The following KBTBD2 variants were observed in gnomAD, a reference collection of about 807,000 sequenced individuals.
KBTBD2 encodes kelch repeat and BTB domain containing 2, also known as kelch repeat and BTB domain-containing protein 2.
KBTBD2 carries 17 observed loss-of-function variants against 57.1 expected under a neutral mutation model. The ratio of observed to expected loss-of-function variants is 0.30; its 90% confidence interval spans 0.20 to 0.45. The LOEUF (loss-of-function observed/expected upper bound fraction) is 0.45. Among genes scored for constraint, KBTBD2 ranks in the 20% least tolerant of loss-of-function variants. The pLI, the probability that KBTBD2 is intolerant of heterozygous loss-of-function variation, is 1.00. For synonymous variants in KBTBD2, 267 were observed against 262.7 expected (o/e 1.02, Z -0.16); for missense variants, 515 against 750.6 (o/e 0.69, Z 3.67).
chr7:32,885,908 A>ACTT (rs1463627998), intron 1 of KBTBD2, among the ~76,000 whole-genome samples: 636 of 40,616 alleles, frequency 0.016, 6 homozygotes, highest in African/African-American at 0.054. Context: ...CTGTCTACAC[A>ACTT]CTTTTTTTTT....
intron 3 of KBTBD2, among the ~76,000 whole-genome samples, chr7:32,873,779 T>G (rs1784239781): frequency 6.6e-6 from 1 of 152,080 alleles, no homozygotes; most frequent in South Asian, 2.1e-4. Context: ...TCAGGTATAT[T>G]AGGTAGTAAA....
chr7:32,882,940 G>A (rs1330666260), intron 1 of KBTBD2, among the ~76,000 whole-genome samples: 4 of 152,086 alleles, frequency 2.6e-5, no homozygotes, highest in Non-Finnish European at 4.4e-5. Context: ...AGCCGAGATC[G>A]TGCCACTGCA....
chr7:32,870,888 G>A lies in KBTBD2; in HGVS notation c.337-8C>T, dbSNP rs762236959. On this transcript the variant is annotated splice_region_variant and splice_polypyrimidine_tract_variant and intron_variant, in intron 3 of 3. Coordinates refer to ENST00000304056, the MANE Select transcript of KBTBD2 (RefSeq NM_015483.3). The stretch of plus-strand genomic sequence containing the variant: ...TTGTAACACATCTTCTACCTAGAAT[G>A]AGAAGGAAAAAAAAAACAGGCTGAT... The A allele has an allele frequency of 1.2e-5, 18 of 1,490,420 alleles. No individual in the cohort carries two copies. The Admixed American group carries it at 2.2e-4, about 19-fold the overall frequency. 92.3% of individuals were successfully genotyped at this position (1,490,420 alleles called of 1,614,324 possible). A position where few individuals can be genotyped will look rare whatever the true frequency, so the allele number is the denominator to read the frequency against.
chr7:32,869,696 A>G lies in KBTBD2; in HGVS notation c.1521T>C (p.Asn507=), dbSNP rs34029796. Residue 507 remains asparagine, a synonymous_variant, in exon 4 of 4, where the codon AAT becomes AAC. Transcript: ENST00000304056. The part of the protein sequence containing the change: ...VTVEIYDVNK[N]EWKMAANIPA... ...GGATGTTGGCTGCCATTTTCCACTC[A>G]TTTTTATTCACATCATAAATTTCCA... 9.5e-5 allele frequency: 153 copies of G among 1,614,100 alleles called. 1 individual carries two copies. In the African/African-American group the frequency reaches 1.8e-3, roughly 19 times the overall value.
At chr7:32,875,527 C>T (rs1269580185) in intron 2 of KBTBD2, among the ~76,000 whole-genome samples, 1 of 152,154 alleles carries the variant, frequency 6.6e-6, no homozygotes, top group Non-Finnish European at 1.5e-5. Context: ...CTGCCTCAGC[C>T]TCTGAAAGTG....
chr7:32,875,032 C>T lies in KBTBD2; in HGVS notation c.296G>A (p.Ser99Asn). The change falls in exon 3 of 4, where the codon AGC (serine) becomes AAC (asparagine). Residue 99 changes from serine to asparagine, a missense_variant. Ser to Asn is a conservative substitution (Grantham distance 46). Transcript: ENST00000304056. The stretch of plus-strand genomic sequence containing the variant: ...TGTTTCATAAAGCTGTTCTACAGTG[C>T]TGTCATTCATTGCCAAGTTACCCGT... ...AYTGNLAMNDSTVEQLYETAC... is the reference protein window; with the variant it reads ...AYTGNLAMNDNTVEQLYETAC... The T allele has an allele frequency of 6.2e-7, 1 of 1,614,154 alleles. No homozygotes were observed. Among genetic ancestry groups the T allele is most frequent in the South Asian group, 1.1e-5 (1 of 91,084 alleles).
chr7:32,870,368 G>T lies in KBTBD2; in HGVS notation c.849C>A (p.Tyr283Ter). The change falls in exon 4 of 4, where the codon TAC becomes TAA. Residue 283 changes from tyrosine to a stop codon, truncating the protein, a stop_gained. Coordinates refer to ENST00000304056, the MANE Select transcript of KBTBD2 (RefSeq NM_015483.3). LOFTEE classifies it high-confidence loss of function. Reference sequence around the variant, plus strand: ...CTTGGGGGCTGTAACAGACAGAAGAGTAAAGACTACAAGGATTTTCTGAAG... The same window carrying T: ...CTTGGGGGCTGTAACAGACAGAAGATTAAAGACTACAAGGATTTTCTGAAG... The part of the protein sequence containing the change: ...EASSENPCSL[Y>*]SSVCYSPQAE... 6.2e-7 allele frequency: 1 copy of T among 1,613,336 alleles called. No individual in the cohort carries two copies. Among genetic ancestry groups the T allele is most frequent in the Non-Finnish European group, 8.5e-7 (1 of 1,179,688 alleles).
At chr7:32,885,912 T>TTA (rs1784569513) in intron 1 of KBTBD2, among the ~76,000 whole-genome samples, 1 of 149,894 alleles carries the variant, frequency 6.7e-6, no homozygotes, top group Non-Finnish European at 1.5e-5. Flanking sequence ...CTACACACTT[T>TTA]TTTTTTTTTT....
chr7:32,884,647 A>C (rs749001656), intron 1 of KBTBD2, among the ~76,000 whole-genome samples: 1 of 142,940 alleles, frequency 7.0e-6, no homozygotes, highest in Non-Finnish European at 1.5e-5. Context: ...CCGAGATCGC[A>C]CCACTGCACT....
intron 1 of KBTBD2, among the ~76,000 whole-genome samples, chr7:32,880,388 G>A (rs896340676): frequency 6.6e-6 from 1 of 151,876 alleles, no homozygotes; most frequent in Admixed American, 6.6e-5. Flanking sequence ...TTTTAAACAC[G>A]TTCACAAAGT....
At chr7:32,885,582 T>C (rs2060728) in intron 1 of KBTBD2, among the ~76,000 whole-genome samples, 149,775 of 152,172 alleles carry the variant, frequency 0.98, 73,750 homozygotes, top group East Asian at 1. Context: ...ATCCCTGTTA[T>C]AAGCCACAAT....
At chr7:32,876,753 C>T (rs902069180) in intron 2 of KBTBD2, among the ~76,000 whole-genome samples, 4 of 152,032 alleles carry the variant, frequency 2.6e-5, no homozygotes, top group Admixed American at 1.3e-4. Flanking sequence ...GCCAGGAGCT[C>T]GACACTAGCC....
At chr7:32,873,275 C>T (rs373050150) in intron 3 of KBTBD2, among the ~76,000 whole-genome samples, 1 of 149,964 alleles carries the variant, frequency 6.7e-6, no homozygotes, top group South Asian at 2.1e-4. Context: ...AATACTTCTC[C>T]TTAATTGCTC....
chr7:32,873,090 A>G (rs1014301513), intron 3 of KBTBD2, among the ~76,000 whole-genome samples: 17 of 152,320 alleles, frequency 1.1e-4, no homozygotes, highest in South Asian at 2.1e-4. Flanking sequence ...TTTGATCTAA[A>G]GGTTCTCCCT....
chr7:32,875,798 CCA>C (rs1254058784), intron 2 of KBTBD2, among the ~76,000 whole-genome samples: 1 of 152,070 alleles, frequency 6.6e-6, no homozygotes, highest in Non-Finnish European at 1.5e-5. Context: ...ACACAAAAAA[CCA>C]CATAGTATAT....
At position 32,870,795 on chromosome 7, in the gene KBTBD2, T is replaced by A; in HGVS notation, c.422A>T (p.Asp141Val). ...TTTTAATTCCTCACAACTGAAGAGA[T>A]CAGCAAAACTCAACAATCGTACACA... ...ENCVRLLSFA[D>V]LFSCEELKQS... The change falls in exon 4 of 4, where the codon GAT becomes GTT. Residue 141 changes from aspartate (D) to valine (V), a missense_variant. By Grantham distance (152) the Asp-to-Val change is radical. Transcript: ENST00000304056. 1 of 1,613,186 alleles carries A rather than the reference T, an allele frequency of 6.2e-7. No homozygotes were observed. Among genetic ancestry groups the A allele is most frequent in the Non-Finnish European group, 8.5e-7 (1 of 1,179,802 alleles).
chr7:32,870,608 C>A lies in KBTBD2; in HGVS notation c.609G>T (p.Glu203Asp). Reference protein sequence around the residue: ...TVREAAMLWLEYNTESRSQYL... With the variant: ...TVREAAMLWLDYNTESRSQYL... ...ACTGGGATCGTGATTCTGTGTTATA[C>A]TCTAGCCACAGCATAGCAGCTTCTC... Residue 203 changes from glutamate to aspartate, a missense_variant, in exon 4 of 4, where the codon GAG (glutamate) becomes GAT (aspartate). Transcript: ENST00000304056. 1 of 1,614,148 alleles carries A rather than the reference C, an allele frequency of 6.2e-7. No individual in the cohort carries two copies. The highest frequency in any genetic ancestry group is 8.5e-7 in the Non-Finnish European group (1 of 1,180,012).
intron 2 of KBTBD2, among the ~76,000 whole-genome samples, chr7:32,877,163 C>T (rs943433082): frequency 3.7e-5 from 5 of 134,934 alleles, no homozygotes; most frequent in Non-Finnish European, 3.1e-5. Context: ...GGATTACAGG[C>T]GCCCGCCACT....
In KBTBD2 at chr7:32,879,888, T is replaced by G. The variant is rs1161264961; in HGVS notation, c.-284A>C. Reference sequence around the variant, plus strand: ...GCAGCTCATGAGTGAAAGAGAAAAATACACGAGGTAGATTTTGTGGCAACA... The same window carrying G: ...GCAGCTCATGAGTGAAAGAGAAAAAGACACGAGGTAGATTTTGTGGCAACA... On this transcript the variant is annotated 5_prime_UTR_variant, in exon 2 of 4. Transcript: ENST00000304056. 3 of 305,842 alleles carry G rather than the reference T, an allele frequency of 9.8e-6. No homozygotes were observed. The highest frequency in any genetic ancestry group is 2.2e-5 in the African/African-American group (1 of 45,108). The allele number at this position is 305,842 out of a possible 1,614,324, so 18.9% of individuals were successfully genotyped here.
Sources: allele counts gnomAD v4.1 joint callset (sites outside exome capture counted in the v4.1 genomes callset), GRCh38; gene constraint gnomAD v4.1.1; transcripts MANE v1.5; gene names NCBI Gene and HGNC (gene_info 2026-07-23, HGNC 2026-07-21).